Variants in GPT2 observed in about 807,000 individuals in gnomAD.
GPT2 encodes alanine aminotransferase 2.
GPT2 carries 30 observed loss-of-function variants against 56.9 expected under a neutral mutation model. The observed-to-expected ratio is 0.53, with a 90% CI of 0.39 to 0.72. The LOEUF is 0.72. Ranked by LOEUF, GPT2 falls within the 30% of genes least tolerant of loss-of-function variation. The pLI is 0.00. For missense variants in GPT2, 542 were observed against 703.4 expected (o/e 0.77, Z 2.60); for synonymous variants, 271 against 283.1 (o/e 0.96, Z 0.43).
intron 3 of GPT2, among the ~76,000 whole-genome samples, chr16:46,900,396 G>A (rs1299394276): frequency 6.6e-6 from 1 of 152,134 alleles, no homozygotes; most frequent in African/African-American, 2.4e-5. Flanking sequence ...TGTCCCTAGC[G>A]GAAGAGCTTG....
chr16:46,901,649 G>C (rs1468147131), intron 4 of GPT2, among the ~76,000 whole-genome samples: 1 of 152,246 alleles, frequency 6.6e-6, no homozygotes, highest in East Asian at 1.9e-4. Flanking sequence ...GGTGGGGACA[G>C]ATTCCCGTGG....
At chr16:46,927,137 C>T (rs748218780) in intron 11 of GPT2, 100 bp downstream of exon 11, 64 of 684,832 alleles carry the variant, frequency 9.3e-5, no homozygotes, top group Admixed American at 2.5e-4. Flanking sequence ...GAGAGAGGTG[C>T]GGAGACCCTG....
chr16:46,900,731 C>A lies in GPT2; in HGVS notation c.383C>A (p.Pro128Gln). ...YPNLLDSPSFPEDAKKRARRI... is the reference protein window; with the variant it reads ...YPNLLDSPSFQEDAKKRARRI... ...AACCTGCTGGACAGCCCCAGCTTCC[C>A]AGAAGATGCTAAGAAACGTGCCCGG... Residue 128 changes from proline (P) to glutamine (Q), a missense_variant, in exon 4 of 12, where the codon CCA becomes CAA. Transcript: ENST00000340124. 6.2e-7 allele frequency: 1 copy of A among 1,614,116 alleles called. No individual in the cohort carries two copies. The highest frequency in any genetic ancestry group is 8.5e-7 in the Non-Finnish European group (1 of 1,179,984).
At chr16:46,889,984 A>C (rs1437107964) in intron 2 of GPT2, among the ~76,000 whole-genome samples, 1 of 151,866 alleles carries the variant, frequency 6.6e-6, no homozygotes, top group Non-Finnish European at 1.5e-5. Flanking sequence ...TTCAGCTTTC[A>C]CCCCTGCTTC....
chr16:46,924,554 A>G lies in GPT2; in HGVS notation c.1368+10A>G. ...TGTGGAGGCTGCTCAGGTCTGGGGC[A>G]TGGGCTGGGCTGGCTCTCTCTTACC... On this transcript the variant is annotated intron_variant, in intron 10 of 11. Transcript: ENST00000340124. 4 of 1,613,506 alleles carry G rather than the reference A, an allele frequency of 2.5e-6. No homozygotes were observed. Among genetic ancestry groups the G allele is most frequent in the Non-Finnish European group, 3.4e-6 (4 of 1,179,520 alleles).
At chr16:46,914,165 G>A (rs560088286) in intron 6 of GPT2, among the ~76,000 whole-genome samples, 9 of 152,250 alleles carry the variant, frequency 5.9e-5, no homozygotes, top group Non-Finnish European at 1.2e-4. Flanking sequence ...ACCTCGTTGC[G>A]TTTACTCCTT....
chr16:46,926,831 G>A, intron 10 of GPT2, 94 bp from the exon 11 acceptor site: 1 of 770,596 alleles, frequency 1.3e-6, no homozygotes, highest in Non-Finnish European at 2.0e-6. Flanking sequence ...TGCCGTGGGA[G>A]AGAGACCTGC....
intron 2 of GPT2, among the ~76,000 whole-genome samples, chr16:46,890,333 G>A (rs1217464248): frequency 6.6e-6 from 1 of 152,102 alleles, no homozygotes; most frequent in Non-Finnish European, 1.5e-5. Context: ...AGGAGCCCGG[G>A]AGCATTTTCA....
intron 4 of GPT2, among the ~76,000 whole-genome samples, chr16:46,904,815 A>G (rs1256533069): frequency 6.6e-6 from 1 of 152,148 alleles, no homozygotes; most frequent in African/African-American, 2.4e-5. Flanking sequence ...TAAATCACCT[A>G]TTGGGGGAGG....
intron 2 of GPT2, chr16:46,885,161 T>C: frequency 7.7e-7 from 1 of 1,303,886 alleles, no homozygotes; most frequent in Non-Finnish European, 9.7e-7. Flanking sequence ...GGCCTTGCAA[T>C]ACGGTTCACT....
In GPT2 at chr16:46,922,331, G is replaced by GC. The variant is rs781387019; in HGVS notation, c.1133dup (p.Val379SerfsTer22). ...GTGAAGCTGCTGTCGGTGCGCCTGT[G>GC]CCCCCCAGTGTCTGGGCAGGCCGCC... On this transcript the variant is annotated frameshift_variant, in exon 9 of 12. Transcript: ENST00000340124. LOFTEE classifies it high-confidence loss of function. 2.5e-6 allele frequency: 4 copies of GC among 1,614,172 alleles called. No individual in the cohort carries two copies. The Admixed American group carries it at 6.7e-5, about 27-fold the overall frequency.
intron 2 of GPT2, among the ~76,000 whole-genome samples, chr16:46,889,379 T>A (rs1960545787): frequency 6.7e-6 from 1 of 150,236 alleles, no homozygotes; most frequent in Non-Finnish European, 1.5e-5. Context: ...TGCCTCAGCC[T>A]CTTCAGAAGC....
chr16:46,900,247 A>G (rs1960789661), intron 3 of GPT2, among the ~76,000 whole-genome samples: 1 of 150,874 alleles, frequency 6.6e-6, no homozygotes, highest in South Asian at 2.1e-4. Context: ...GTGATGAGGA[A>G]TGCAGGGGGA....
intron 3 of GPT2, among the ~76,000 whole-genome samples, chr16:46,898,389 G>A (rs1159333867): frequency 1.3e-5 from 2 of 152,162 alleles, no homozygotes; most frequent in African/African-American, 2.4e-5. Context: ...CACTAACCTC[G>A]AGAGTGCTGC....
rs1391430846 is a variant in GPT2 at position 46,884,454 on chromosome 16, AC to A, written c.-34del. On this transcript the variant is annotated 5_prime_UTR_variant, in exon 1 of 12. Coordinates refer to ENST00000340124, the MANE Select transcript of GPT2 (RefSeq NM_133443.4). The stretch of plus-strand genomic sequence containing the variant: ...AGCTAACCGAGTGCGGCGAGGGCCT[AC>A]CAGGGGCGACAGGCACGTTGCATGC... 3.7e-5 allele frequency: 12 copies of A among 322,278 alleles called. No homozygotes were observed. The highest frequency in any genetic ancestry group is 6.7e-5 in the Non-Finnish European group (12 of 179,014). 20.0% of individuals were successfully genotyped at this position (322,278 alleles called of 1,614,324 possible). A position where few individuals can be genotyped will look rare whatever the true frequency, so the allele number is the denominator to read the frequency against.
At chr16:46,924,587 C>T (rs1961365272) in intron 10 of GPT2, 43 bp downstream of exon 10, 19 of 1,604,594 alleles carry the variant, frequency 1.2e-5, no homozygotes, top group Non-Finnish European at 1.6e-5. Context: ...ACCAGGTTCA[C>T]CTGAGATGCT....
chr16:46,884,605 G>T lies in GPT2; in HGVS notation c.-22-89G>T, dbSNP rs565827152. Reference sequence around the variant, plus strand: ...CGAAGCCAGGCTGGCACCGCTCGCTGAAAGAGCCCTTGGCTGGGCTTGTGT... The same window carrying T: ...CGAAGCCAGGCTGGCACCGCTCGCTTAAAGAGCCCTTGGCTGGGCTTGTGT... On this transcript the variant is annotated intron_variant, in intron 1 of 11. Transcript: ENST00000340124. The T allele has an allele frequency of 1.1e-5, 14 of 1,267,166 alleles. No individual in the cohort carries two copies. In the African/African-American group the frequency reaches 1.7e-4, roughly 15 times the overall value. 78.5% of individuals were successfully genotyped at this position (1,267,166 alleles called of 1,614,324 possible).
chr16:46,927,538 G>A (rs910282192), intron 11 of GPT2, among the ~76,000 whole-genome samples: 11 of 152,220 alleles, frequency 7.2e-5, no homozygotes, highest in Non-Finnish European at 1.6e-4. Flanking sequence ...GCATGGATGG[G>A]AATGCCGGTG....
rs200167398 is a variant in GPT2 at position 46,909,965 on chromosome 16, G to T, written c.820+38G>T. 1.7e-5 allele frequency: 27 copies of T among 1,550,492 alleles called. No individual in the cohort carries two copies. The East Asian group carries it at 5.5e-4, about 31-fold the overall frequency. On this transcript the variant is annotated intron_variant, in intron 6 of 11. Coordinates refer to ENST00000340124, the MANE Select transcript of GPT2 (RefSeq NM_133443.4). ...CTTCCTCACCAGTTTCGTAGAGGGTGGGGGTGGCTGATACACTGGCTGTCT... is the reference window on the plus strand; with the variant it reads ...CTTCCTCACCAGTTTCGTAGAGGGTTGGGGTGGCTGATACACTGGCTGTCT...
Sources: gnomAD v4.1 joint callset for allele counts (sites outside exome capture counted in the v4.1 genomes callset) on GRCh38, gnomAD v4.1.1 for gene constraint, MANE v1.5 for transcripts, NCBI Gene and HGNC (gene_info 2026-07-23, HGNC 2026-07-21) for gene names.